INSR: variants seen among roughly 807,000 people sequenced by gnomAD.
The protein encoded by INSR is IR.
A neutral mutation model predicts 142.6 loss-of-function variants in INSR; 67 were observed. The observed-to-expected ratio is 0.47, with a 90% CI of 0.39 to 0.58. The LOEUF is 0.58. Ranked by LOEUF, INSR falls within the 20% of genes least tolerant of loss-of-function variation. The probability of loss-of-function intolerance (pLI) is 0.00; values close to 1 mark genes in which losing one functional copy is unlikely to be tolerated. For synonymous variants in INSR, 756 were observed against 743.1 expected, an observed-to-expected ratio of 1.02 and a Z score of -0.28; for missense variants, 1,248 against 1,833.2, an observed-to-expected ratio of 0.68 and a Z score of 5.83.
At chr19:7,227,746 G>C (rs1410243840) in intron 2 of INSR, among the ~76,000 whole-genome samples, 1 of 152,140 alleles carries the variant, frequency 6.6e-6, no homozygotes, top group Non-Finnish European at 1.5e-5. Context: ...GCCACACAGG[G>C]TTATGGATCG....
At chr19:7,228,272 G>A (rs983623390) in intron 2 of INSR, among the ~76,000 whole-genome samples, 14 of 152,136 alleles carry the variant, frequency 9.2e-5, no homozygotes, top group Admixed American at 1.3e-4. Context: ...AAATTGAGGC[G>A]GGGGCTTAAA....
chr19:7,264,319 C>T (rs983139713), intron 2 of INSR, among the ~76,000 whole-genome samples: 9 of 152,110 alleles, frequency 5.9e-5, no homozygotes, highest in South Asian at 2.1e-4. Context: ...GGTGACAGAA[C>T]GAGACTCTGT....
chr19:7,238,481 C>T lies in INSR; in HGVS notation c.652+28864G>A, dbSNP rs189260919. Among the ~76,000 whole-genome samples, 33 of 151,848 alleles carry T rather than the reference C, an allele frequency of 2.2e-4. No individual in the cohort carries two copies. The East Asian group carries it at 5.0e-3, about 23-fold the overall frequency. ...CTAAAAAATACAAAAATTAGCCGGG[C>T]GTGGTGGCATGCACCTGTAATTCCA... On this transcript the variant is annotated intron_variant, in intron 2 of 21. Coordinates refer to ENST00000302850, the MANE Select transcript of INSR (RefSeq NM_000208.4).
intron 2 of INSR, among the ~76,000 whole-genome samples, chr19:7,220,125 T>C (rs567568969): frequency 1.3e-5 from 2 of 152,178 alleles, no homozygotes; most frequent in South Asian, 4.1e-4. Flanking sequence ...GTCCACACAA[T>C]GAGGTCTGAG....
chr19:7,281,763 A>G (rs755543854), intron 1 of INSR, among the ~76,000 whole-genome samples: 2 of 152,186 alleles, frequency 1.3e-5, no homozygotes, highest in South Asian at 2.1e-4. Context: ...CTGTCTGACT[A>G]CTTTTGCCTG....
intron 2 of INSR, among the ~76,000 whole-genome samples, chr19:7,213,648 G>T (rs1975347879): frequency 6.6e-6 from 1 of 152,160 alleles, no homozygotes; most frequent in African/African-American, 2.4e-5. Flanking sequence ...AACAACTCAC[G>T]TCCAGCAGAG....
rs1446526592 is a variant in INSR, at chr19:7,174,688, G to A, written c.1018C>T (p.His340Tyr). Residue 340 changes from histidine to tyrosine, a missense_variant, in exon 4 of 22, where the codon CAC (histidine) becomes TAC (tyrosine). Coordinates refer to ENST00000302850, the MANE Select transcript of INSR (RefSeq NM_000208.4). Reference protein sequence around the residue: ...PCLGPCPKVCHLLEGEKTIDS... With the variant: ...PCLGPCPKVCYLLEGEKTIDS... ...ATGGTCTTCTCGCCTTCTAGGAGGT[G>A]GCACACCTTGGGACAGGGACCCAGG... 2.5e-6 allele frequency: 4 copies of A among 1,614,004 alleles called. No homozygotes were observed. In the South Asian group the frequency reaches 3.3e-5, roughly 13 times the overall value.
At chr19:7,152,990 CACACA>C (rs1973414828) in intron 9 of INSR, 63 bp from the exon 10 acceptor site, 3 of 876,684 alleles carry the variant, frequency 3.4e-6, no homozygotes, top group East Asian at 2.7e-5. Flanking sequence ...TACACACACA[CACACA>C]CCCCACACAC....
At chr19:7,245,526 T>C (rs1179005422) in intron 2 of INSR, among the ~76,000 whole-genome samples, 2 of 151,980 alleles carry the variant, frequency 1.3e-5, no homozygotes, top group Non-Finnish European at 2.9e-5. Flanking sequence ...CTCGGCTCAT[T>C]GAACCTCCAC....
In INSR at chr19:7,184,654, A is replaced by AGG; in HGVS notation, c.653-18_653-17insCC. 1.4e-6 allele frequency: 2 copies of AGG among 1,474,834 alleles called. No homozygotes were observed. Among genetic ancestry groups the AGG allele is most frequent in the Non-Finnish European group, 1.9e-6 (2 of 1,076,666 alleles). 91.4% of individuals were successfully genotyped at this position (1,474,834 alleles called of 1,614,324 possible). On this transcript the variant is annotated splice_polypyrimidine_tract_variant and intron_variant, in intron 2 of 21. Transcript: ENST00000302850. The stretch of plus-strand genomic sequence containing the variant: ...TCGGGCAAACTGGAGAGAGAGAGAG[A>AGG]GAGAGAGGGAAATAAATAAATAAAT...
In INSR at chr19:7,251,177, C is replaced by T. The variant is rs1318169362; in HGVS notation, c.652+16168G>A. Among the ~76,000 whole-genome samples, 6 of 147,368 alleles carry T rather than the reference C, an allele frequency of 4.1e-5. No homozygotes were observed. In the East Asian group the frequency reaches 7.7e-4, roughly 19 times the overall value. Reference sequence around the variant, plus strand: ...AACCAAAAAATATCTCCAGACATTGCCAAATGTCCCCTGGGAGACAAAAAA... The same window carrying T: ...AACCAAAAAATATCTCCAGACATTGTCAAATGTCCCCTGGGAGACAAAAAA... On this transcript the variant is annotated intron_variant, in intron 2 of 21. Coordinates refer to ENST00000302850, the MANE Select transcript of INSR (RefSeq NM_000208.4).
At chr19:7,118,198 C>T (rs972416461) in intron 21 of INSR, among the ~76,000 whole-genome samples, 3 of 151,822 alleles carry the variant, frequency 2.0e-5, no homozygotes, top group African/African-American at 7.3e-5. Flanking sequence ...GTGATTGTGC[C>T]ACTGCGCTCT....
chr19:7,197,240 C>G (rs1436215295), intron 2 of INSR, among the ~76,000 whole-genome samples: 1 of 152,212 alleles, frequency 6.6e-6, no homozygotes, highest in African/African-American at 2.4e-5. Flanking sequence ...AGACATACGG[C>G]GCATATAGAG....
In INSR at chr19:7,116,700, C is replaced by CAAAA. The variant is rs71177157; in HGVS notation, c.*352_*355dup. The CAAAA allele has an allele frequency of 4.6e-4, 23 of 50,506 alleles. No homozygotes were observed. The highest frequency in any genetic ancestry group is 7.9e-4 in the Admixed American group (2 of 2,518). 3.1% of individuals were successfully genotyped at this position (50,506 alleles called of 1,614,324 possible). A position where few individuals can be genotyped will look rare whatever the true frequency, so the allele number is the denominator to read the frequency against. ...TTTTATACTGAAGCTCAGACACCAG[C>CAAAA]AAAAAAAAAAAAAAAAAAAAAGAAT... On this transcript the variant is annotated 3_prime_UTR_variant, in exon 22 of 22. Transcript: ENST00000302850.
chr19:7,204,409 T>C (rs1975047835), intron 2 of INSR, among the ~76,000 whole-genome samples: 2 of 152,132 alleles, frequency 1.3e-5, no homozygotes, highest in Admixed American at 1.3e-4. Flanking sequence ...TCGTGTGTCA[T>C]CTCCATGCCA....
chr19:7,158,045 G>GTAT (rs72379188), intron 9 of INSR, among the ~76,000 whole-genome samples: 12,615 of 140,916 alleles, frequency 0.09, 625 homozygotes, highest in African/African-American at 0.14. Context: ...GAAGCTCCTG[G>GTAT]TATTATTATT....
intron 2 of INSR, among the ~76,000 whole-genome samples, chr19:7,195,927 CTTTCTT>C (rs1455920143): frequency 3.5e-4 from 35 of 99,866 alleles, no homozygotes; most frequent in African/African-American, 7.0e-4. Flanking sequence ...TCTTTCTTTT[CTTTCTT>C]TTTTTTTTTT....
chr19:7,233,280 C>T (rs1976047472), intron 2 of INSR, among the ~76,000 whole-genome samples: 1 of 152,174 alleles, frequency 6.6e-6, no homozygotes, highest in African/African-American at 2.4e-5. Context: ...AGGCGTGAGC[C>T]ACCATGCCCA....
chr19:7,235,575 C>T (rs981047147), intron 2 of INSR, among the ~76,000 whole-genome samples: 8 of 138,466 alleles, frequency 5.8e-5, no homozygotes, highest in South Asian at 2.3e-4. Flanking sequence ...AGGGGCCAGG[C>T]GCTGCAGCTC....
Sources: gnomAD v4.1 joint callset for allele counts (sites outside exome capture counted in the v4.1 genomes callset) on GRCh38, gnomAD v4.1.1 for gene constraint, MANE v1.5 for transcripts, NCBI Gene and HGNC (gene_info 2026-07-23, HGNC 2026-07-21) for gene names.